MAP3K15: variants seen among roughly 807,000 people sequenced by gnomAD.
MAP3K15 encodes MAPK/ERK kinase kinase 15.
A neutral mutation model predicts 99.5 loss-of-function variants in MAP3K15; 124 were observed. The observed-to-expected ratio is 1.25, with a 90% CI of 1.08 to 1.45. The LOEUF is 1.45. Among genes scored for constraint, MAP3K15 ranks in the 40% most tolerant of loss-of-function variants. The probability of loss-of-function intolerance (pLI) is 0.00; values close to 1 mark genes in which losing one functional copy is unlikely to be tolerated. For synonymous variants in MAP3K15, 494 were observed against 439.6 expected, an observed-to-expected ratio of 1.12 and a Z score of -1.55; for missense variants, 1,242 against 1,079.7, an observed-to-expected ratio of 1.15 and a Z score of -2.11.
intron 2 of MAP3K15, among the ~76,000 whole-genome samples, chrX:19,487,058 T>C (rs2064331904): frequency 9.9e-6 from 1 of 100,841 alleles, no homozygotes. Flanking sequence ...ACAACAATTC[T>C]AGTCAGTAAA....
intron 24 of MAP3K15, among the ~76,000 whole-genome samples, chrX:19,369,513 G>T (rs2063359307): frequency 8.9e-6 from 1 of 112,437 alleles, no homozygotes; most frequent in South Asian, 3.6e-4. Context: ...GCTTACACCT[G>T]TAATCCAAGC....
chrX:19,361,643 C>CA, intron 26 of MAP3K15, 50 bp from the exon 27 acceptor site: 1 of 836,682 alleles, frequency 1.2e-6, no homozygotes, highest in African/African-American at 2.0e-5. Context: ...TAAAACTCTT[C>CA]AAAAGTAACC....
intron 1 of MAP3K15, among the ~76,000 whole-genome samples, chrX:19,504,427 T>C (rs758068773): frequency 9.0e-6 from 1 of 110,778 alleles, no homozygotes; most frequent in East Asian, 2.9e-4. Flanking sequence ...TATGAAGAAA[T>C]GTGGAAGAAC....
At chrX:19,503,787 T>A (rs5955804) in intron 1 of MAP3K15, among the ~76,000 whole-genome samples, 1 of 108,986 alleles carries the variant, frequency 9.2e-6, no homozygotes, top group Non-Finnish European at 1.9e-5. Flanking sequence ...CAAATGCACA[T>A]GTGGGCTGAG....
At chrX:19,434,020 C>A (rs1250057913) in intron 6 of MAP3K15, among the ~76,000 whole-genome samples, 1 of 111,436 alleles carries the variant, frequency 9.0e-6, no homozygotes, top group Non-Finnish European at 1.9e-5. Flanking sequence ...ATGGAAAAAA[C>A]CTGAACTAAA....
At chrX:19,442,550 G>C (rs1319816504) in intron 6 of MAP3K15, among the ~76,000 whole-genome samples, 1 of 100,502 alleles carries the variant, frequency 1.0e-5, no homozygotes, top group Non-Finnish European at 2.0e-5. Flanking sequence ...TTGAGGCAGA[G>C]TCTCACTCTG....
chrX:19,373,167 A>C, intron 21 of MAP3K15: 1 of 148,413 alleles, frequency 6.7e-6, no homozygotes, highest in Non-Finnish European at 1.2e-5. Flanking sequence ...AAAAGGAGGA[A>C]GGGAGGAGGA....
At chrX:19,397,566 G>A (rs2147255202) in intron 15 of MAP3K15, among the ~76,000 whole-genome samples, 1 of 109,533 alleles carries the variant, frequency 9.1e-6, no homozygotes, top group African/African-American at 3.3e-5. Flanking sequence ...AGTGAGCCGA[G>A]ATCTGCCACT....
rs768141250 is a variant in MAP3K15, at chrX:19,373,698, G to T, written c.2774-3C>A. ...CAGGACGACACCGCGGGGACCTTCTGTAGGGGGACAGCCAGACACCGAATG... is the reference window on the plus strand; with the variant it reads ...CAGGACGACACCGCGGGGACCTTCTTTAGGGGGACAGCCAGACACCGAATG... On this transcript the variant is annotated splice_region_variant and splice_polypyrimidine_tract_variant and intron_variant, in intron 20 of 28. Coordinates refer to ENST00000338883, the MANE Select transcript of MAP3K15 (RefSeq NM_001001671.4). 1 of 1,197,364 alleles carries T rather than the reference G, an allele frequency of 8.4e-7. No individual in the cohort carries two copies. The highest frequency in any genetic ancestry group is 1.1e-6 in the Non-Finnish European group (1 of 893,601).
intron 14 of MAP3K15, among the ~76,000 whole-genome samples, chrX:19,400,200 T>C (rs1474549910): frequency 9.8e-5 from 11 of 112,185 alleles, no homozygotes. Flanking sequence ...ATATTTCATA[T>C]AGTATATGCA....
At chrX:19,368,846 T>TTG (rs1170884325) in intron 25 of MAP3K15, among the ~76,000 whole-genome samples, 1 of 109,994 alleles carries the variant, frequency 9.1e-6, no homozygotes, top group African/African-American at 3.3e-5. Context: ...TCTGAGTTTT[T>TTG]TTTTTTTTTT....
In MAP3K15 at chrX:19,389,134, G is replaced by C. The variant is rs779004195; in HGVS notation, c.2431+2868C>G. Among the ~76,000 whole-genome samples, 49 of 110,669 alleles carry C rather than the reference G, an allele frequency of 4.4e-4. No individual in the cohort carries two copies. In the South Asian group the frequency reaches 0.019, roughly 42 times the overall value. The stretch of plus-strand genomic sequence containing the variant: ...CAAAGCAGATGAGTGATGAGCTGGG[G>C]CTGGAGTGGGAATGGGGATGAGTAC... On this transcript the variant is annotated intron_variant, in intron 18 of 28. Coordinates refer to ENST00000338883, the MANE Select transcript of MAP3K15 (RefSeq NM_001001671.4).
intron 5 of MAP3K15, among the ~76,000 whole-genome samples, chrX:19,457,859 G>A (rs770959810): frequency 3.6e-5 from 4 of 111,440 alleles, no homozygotes; most frequent in Non-Finnish European, 7.5e-5. Context: ...TTGACCCACT[G>A]GAAGCCACAG....
At chrX:19,446,386 T>C (rs183198087) in intron 6 of MAP3K15, among the ~76,000 whole-genome samples, 46 of 111,798 alleles carry the variant, frequency 4.1e-4, no homozygotes, top group African/African-American at 1.5e-3. Context: ...AGGAGAGCAA[T>C]ATTCAAAATC....
In MAP3K15 at chrX:19,423,840, G is replaced by C. The variant is rs145739873; in HGVS notation, c.1439+1691C>G. 6.5e-4 allele frequency among the ~76,000 whole-genome samples: 73 copies of C among 111,703 alleles called. 1 individual carries two copies. In the East Asian group the frequency reaches 0.018, roughly 28 times the overall value. On this transcript the variant is annotated intron_variant, in intron 9 of 28. Coordinates refer to ENST00000338883, the MANE Select transcript of MAP3K15 (RefSeq NM_001001671.4). ...GCCCTGGGCCACACTGTATCAGTTC[G>C]ACCTCTAGAGAGGTTGGAGCTGAGG...
chrX:19,382,840 G>A (rs375726488), intron 18 of MAP3K15, among the ~76,000 whole-genome samples: 3 of 112,242 alleles, frequency 2.7e-5, no homozygotes, highest in Non-Finnish European at 5.6e-5. Flanking sequence ...GGAAGGATCC[G>A]ATACTGTGCT....
chrX:19,413,684 G>C (rs1463867072), intron 10 of MAP3K15, among the ~76,000 whole-genome samples: 3 of 58,501 alleles, frequency 5.1e-5, no homozygotes, highest in Non-Finnish European at 8.7e-5. Flanking sequence ...TCTTGGGGGG[G>C]GGGGTGGGGA....
intron 1 of MAP3K15, among the ~76,000 whole-genome samples, chrX:19,492,428 G>C (rs1373534454): frequency 2.7e-5 from 3 of 111,266 alleles, no homozygotes; most frequent in African/African-American, 9.8e-5. Flanking sequence ...ATAATCAAGA[G>C]AGTTTTTTAG....
chrX:19,478,417 T>G (rs1201349484), intron 3 of MAP3K15, among the ~76,000 whole-genome samples: 1 of 107,396 alleles, frequency 9.3e-6, no homozygotes, highest in Non-Finnish European at 1.9e-5. Context: ...AAAGCGTCCC[T>G]AAGCAATCCA....
Sources: allele counts gnomAD v4.1 joint callset (sites outside exome capture counted in the v4.1 genomes callset), GRCh38; gene constraint gnomAD v4.1.1; transcripts MANE v1.5; gene names NCBI Gene and HGNC (gene_info 2026-07-23, HGNC 2026-07-21).